The following CDH11 variants were observed in gnomAD, a reference collection of about 807,000 sequenced individuals.
CDH11 encodes cadherin-11.
In CDH11, 11 loss-of-function variants were observed where a neutral mutation model predicts 67.8. The ratio of observed to expected loss-of-function variants is 0.16; its 90% CI spans 0.10 to 0.27. The LOEUF (loss-of-function observed/expected upper bound fraction) is 0.27, where lower values mean the gene tolerates loss of function less well. Ranked by LOEUF, CDH11 falls within the 10% of genes least tolerant of loss-of-function variation. The probability of loss-of-function intolerance (pLI) is 1.00; values close to 1 mark genes in which losing one functional copy is unlikely to be tolerated. For missense variants in CDH11, 847 were observed against 1,031.2 expected (o/e 0.82, Z 2.45); for synonymous variants, 419 against 400.0 (o/e 1.05, Z -0.57).
intron 1 of CDH11, among the ~76,000 whole-genome samples, chr16:65,064,151 A>G (rs1451068657): frequency 6.6e-6 from 1 of 152,202 alleles, no homozygotes; most frequent in African/African-American, 2.4e-5. Context: ...GAAGGCCCAG[A>G]GGACCTTATC....
intron 1 of CDH11, among the ~76,000 whole-genome samples, chr16:65,110,503 C>T (rs1392343814): frequency 6.6e-6 from 1 of 152,056 alleles, no homozygotes; most frequent in East Asian, 1.9e-4. Flanking sequence ...GTGAAGGCAC[C>T]ACGGTTGTCC....
At chr16:65,045,442 A>G (rs1270360455) in intron 2 of CDH11, among the ~76,000 whole-genome samples, 1 of 148,856 alleles carries the variant, frequency 6.7e-6, no homozygotes, top group African/African-American at 2.5e-5. Flanking sequence ...CCTAGAAAAG[A>G]TAAACTCACT....
intron 2 of CDH11, among the ~76,000 whole-genome samples, chr16:65,037,767 C>G (rs2073782957): frequency 6.6e-6 from 1 of 151,824 alleles, no homozygotes; most frequent in Non-Finnish European, 1.5e-5. Flanking sequence ...AGAAGAAACC[C>G]AAGAGGAGCC....
intron 11 of CDH11, among the ~76,000 whole-genome samples, chr16:64,970,577 C>T (rs2071978505): frequency 6.6e-6 from 1 of 152,000 alleles, no homozygotes; most frequent in African/African-American, 2.4e-5. Context: ...TGGCATGGGT[C>T]GTGGAACACA....
chr16:64,947,542 ATCT>A lies in CDH11; in HGVS notation c.*58_*60del. 1.8e-5 allele frequency: 28 copies of A among 1,536,458 alleles called. No homozygotes were observed. In the South Asian group the frequency reaches 3.6e-4, roughly 20 times the overall value. On this transcript the variant is annotated 3_prime_UTR_variant, in exon 13 of 13. Transcript: ENST00000268603. ...GATTTAAAAAAATACCTGTTTACAC[ATCT>A]TCTAGATTCTTGAGAACGCCAGACA...
At chr16:65,066,608 A>G (rs994341628) in intron 1 of CDH11, among the ~76,000 whole-genome samples, 13 of 152,242 alleles carry the variant, frequency 8.5e-5, no homozygotes, top group African/African-American at 2.7e-4. Flanking sequence ...AGCAATACAC[A>G]TGTGGCCAGC....
At position 64,947,849 on chromosome 16, in the gene CDH11, C is replaced by T. The variant is rs758169049; in HGVS notation, c.2145G>A (p.Val715=). The change falls in exon 13 of 13, where the codon GTG becomes GTA. Residue 715 remains valine (V), a synonymous_variant. Transcript: ENST00000268603. ...RPGLRPAPNS[V]DVDDFINTRI... Reference sequence around the variant, plus strand: ...TCGTGTTGATGAAGTCATCGACATCCACGCTGTTGGGCGCTGGCCGGAGCC... The same window carrying T: ...TCGTGTTGATGAAGTCATCGACATCTACGCTGTTGGGCGCTGGCCGGAGCC... The T allele has an allele frequency of 2.0e-5, 33 of 1,614,136 alleles. No homozygotes were observed. In the Middle Eastern group the frequency reaches 8.2e-4, roughly 40 times the overall value.
chr16:65,002,138 C>T (rs35184), intron 3 of CDH11, among the ~76,000 whole-genome samples: 63,737 of 152,074 alleles, frequency 0.42, 14,491 homozygotes, highest in East Asian at 0.63. Flanking sequence ...ATTTATTTTT[C>T]CCCTATCCAA....
chr16:64,991,159 C>T (rs1232134779), intron 6 of CDH11, among the ~76,000 whole-genome samples: 1 of 152,074 alleles, frequency 6.6e-6, no homozygotes, highest in Non-Finnish European at 1.5e-5. Context: ...ATCACACTTT[C>T]CAAAACCAGC....
chr16:65,074,965 A>G (rs1006696165), intron 1 of CDH11, among the ~76,000 whole-genome samples: 5 of 152,196 alleles, frequency 3.3e-5, no homozygotes, highest in East Asian at 1.9e-4. Context: ...ACACATGCGC[A>G]CATACACACA....
At chr16:65,069,729 T>C (rs1476734928) in intron 1 of CDH11, among the ~76,000 whole-genome samples, 2 of 152,198 alleles carry the variant, frequency 1.3e-5, no homozygotes, top group Admixed American at 1.3e-4. Flanking sequence ...AAATACTTTC[T>C]TGGGTTAACA....
At chr16:64,953,260 C>CTATA (rs1393087145) in intron 11 of CDH11, among the ~76,000 whole-genome samples, 23 of 149,680 alleles carry the variant, frequency 1.5e-4, no homozygotes, top group African/African-American at 5.6e-4. Flanking sequence ...ATATCTATAT[C>CTATA]TATATATAGA....
intron 2 of CDH11, among the ~76,000 whole-genome samples, chr16:65,025,274 C>T (rs1032795247): frequency 6.6e-6 from 1 of 152,198 alleles, no homozygotes; most frequent in African/African-American, 2.4e-5. Flanking sequence ...TTGGGTTACA[C>T]AGGTGGGCAG....
chr16:65,044,506 C>A (rs1247476503), intron 2 of CDH11, among the ~76,000 whole-genome samples: 3 of 151,660 alleles, frequency 2.0e-5, no homozygotes, highest in Non-Finnish European at 4.4e-5. Context: ...GTACCCAGGA[C>A]CCGTGGAAGT....
At chr16:65,033,813 A>G (rs2073696906) in intron 2 of CDH11, among the ~76,000 whole-genome samples, 1 of 152,102 alleles carries the variant, frequency 6.6e-6, no homozygotes, top group African/African-American at 2.4e-5. Context: ...GAAATCCTCC[A>G]AGAGTATGTC....
At chr16:64,978,938 C>A (rs2072252235) in intron 8 of CDH11, among the ~76,000 whole-genome samples, 1 of 151,634 alleles carries the variant, frequency 6.6e-6, no homozygotes. Context: ...AAAATTAAAA[C>A]TTTTATGCCT....
chr16:65,044,483 C>T (rs140866163), intron 2 of CDH11, among the ~76,000 whole-genome samples: 13 of 151,904 alleles, frequency 8.6e-5, no homozygotes, highest in Non-Finnish European at 1.8e-4. Context: ...AAAGGGGGCT[C>T]ATGAAGATAC....
At chr16:65,101,870 T>C (rs2074997743) in intron 1 of CDH11, among the ~76,000 whole-genome samples, 2 of 152,356 alleles carry the variant, frequency 1.3e-5, no homozygotes, top group South Asian at 4.1e-4. Context: ...ATTTTCAGTG[T>C]GAATGACTTT....
intron 1 of CDH11, among the ~76,000 whole-genome samples, chr16:65,089,197 A>T (rs1022385295): frequency 1.3e-5 from 2 of 152,138 alleles, no homozygotes; most frequent in South Asian, 4.1e-4. Context: ...CCTGCAACTG[A>T]AACAGCAGCC....
Sources: gnomAD v4.1 joint callset for allele counts (sites outside exome capture counted in the v4.1 genomes callset) on GRCh38, gnomAD v4.1.1 for gene constraint, MANE v1.5 for transcripts, NCBI Gene and HGNC (gene_info 2026-07-23, HGNC 2026-07-21) for gene names.